The following BNC2 variants were observed in gnomAD, a reference collection of about 807,000 sequenced individuals.
The protein encoded by BNC2 is zinc finger protein basonuclin-2.
BNC2 carries 20 observed loss-of-function variants against 76.3 expected under a neutral mutation model. That is an observed-to-expected ratio of 0.26 (90% CI 0.18 to 0.38). The LOEUF is 0.38. Ranked by LOEUF, BNC2 falls within the 10% of genes least tolerant of loss-of-function variation. BNC2 has a pLI of 1.00. For synonymous variants in BNC2, 582 were observed against 514.8 expected (o/e 1.13, Z -1.77); for missense variants, 1,382 against 1,399.8 (o/e 0.99, Z 0.20).
At chr9:16,661,939 G>A (rs917840568) in intron 3 of BNC2, among the ~76,000 whole-genome samples, 1 of 152,176 alleles carries the variant, frequency 6.6e-6, no homozygotes, top group African/African-American at 2.4e-5. Flanking sequence ...ACAAGTGACA[G>A]AGCAGGTCTA....
At chr9:16,730,205 T>G (rs978619943) in intron 2 of BNC2, among the ~76,000 whole-genome samples, 2 of 152,154 alleles carry the variant, frequency 1.3e-5, no homozygotes, top group African/African-American at 4.8e-5. Flanking sequence ...AGACTTGAAA[T>G]TCCCCGTGGA....
At chr9:16,580,097 T>A (rs890373119) in intron 4 of BNC2, 2 of 398,410 alleles carry the variant, frequency 5.0e-6, no homozygotes, top group Non-Finnish European at 8.8e-6. Context: ...CCGGAAAGAA[T>A]GCTGTGTTTC....
intron 1 of BNC2, among the ~76,000 whole-genome samples, chr9:16,780,132 A>G (rs1255801358): frequency 1.4e-5 from 2 of 144,438 alleles, no homozygotes; most frequent in African/African-American, 2.5e-5. Context: ...GCTACTAGGG[A>G]GGCTGAGGTA....
At chr9:16,428,611 T>C (rs538645867) in intron 6 of BNC2, among the ~76,000 whole-genome samples, 2 of 152,326 alleles carry the variant, frequency 1.3e-5, no homozygotes, top group East Asian at 1.9e-4. Context: ...CAGATTGATA[T>C]ATGCAATAGC....
At chr9:16,810,331 C>T (rs1270299044) in intron 1 of BNC2, among the ~76,000 whole-genome samples, 1 of 152,206 alleles carries the variant, frequency 6.6e-6, no homozygotes, top group Non-Finnish European at 1.5e-5. Context: ...ACAAGACAGG[C>T]ATTCACTCTG....
At chr9:16,845,512 G>A (rs7864936) in intron 1 of BNC2, among the ~76,000 whole-genome samples, 84,733 of 151,510 alleles carry the variant, frequency 0.56, 24,502 homozygotes, top group Non-Finnish European at 0.63. Context: ...ACAAGGTCAG[G>A]AGATCGAGAC....
intron 6 of BNC2, among the ~76,000 whole-genome samples, chr9:16,420,038 TTC>T (rs1287243425): frequency 6.6e-6 from 1 of 152,138 alleles, no homozygotes; most frequent in East Asian, 1.9e-4. Flanking sequence ...AATAGAAACT[TTC>T]TGCTTGTCTA....
intron 1 of BNC2, among the ~76,000 whole-genome samples, chr9:16,845,419 G>A (rs1186895733): frequency 6.6e-6 from 1 of 152,054 alleles, no homozygotes; most frequent in African/African-American, 2.4e-5. Context: ...ACGGTAGTTG[G>A]GTTTTCAAAA....
At chr9:16,841,846 G>A (rs1374443038) in intron 1 of BNC2, among the ~76,000 whole-genome samples, 4 of 354 alleles carry the variant, frequency 0.011, no homozygotes, top group Non-Finnish European at 0.04. Context: ...TTTCACTCTT[G>A]TTGCCCAGGC....
chr9:16,491,577 G>C (rs1822281723), intron 5 of BNC2, among the ~76,000 whole-genome samples: 1 of 152,152 alleles, frequency 6.6e-6, no homozygotes, highest in Admixed American at 6.5e-5. Flanking sequence ...AGAGAGCCTG[G>C]GAAATGGGAG....
At chr9:16,469,084 C>T (rs28718681) in intron 5 of BNC2, among the ~76,000 whole-genome samples, 7,436 of 152,166 alleles carry the variant, frequency 0.049, 266 homozygotes, top group Non-Finnish European at 0.076. Flanking sequence ...CCTGTGTGTG[C>T]TTTTTATATT....
chr9:16,454,450 G>A (rs902974955), intron 5 of BNC2, among the ~76,000 whole-genome samples: 2 of 152,204 alleles, frequency 1.3e-5, no homozygotes, highest in Admixed American at 1.3e-4. Flanking sequence ...ACAGGCATGT[G>A]CCACCACACC....
chr9:16,747,797 T>C (rs141439389), intron 1 of BNC2, among the ~76,000 whole-genome samples: 7 of 152,344 alleles, frequency 4.6e-5, no homozygotes, highest in African/African-American at 9.6e-5. Flanking sequence ...TTTAGGCTTC[T>C]AAGTGCTTAG....
chr9:16,792,338 T>A (rs1308752727), intron 1 of BNC2, among the ~76,000 whole-genome samples: 1 of 152,214 alleles, frequency 6.6e-6, no homozygotes, highest in African/African-American at 2.4e-5. Flanking sequence ...TCAGGAAGTG[T>A]AACTCCGTAA....
chr9:16,648,906 C>T (rs958291609), intron 3 of BNC2, among the ~76,000 whole-genome samples: 2 of 152,128 alleles, frequency 1.3e-5, no homozygotes, highest in Non-Finnish European at 2.9e-5. Flanking sequence ...ATGAGGTACT[C>T]AAACTATGAT....
intron 5 of BNC2, among the ~76,000 whole-genome samples, chr9:16,512,416 G>A (rs1822777530): frequency 6.6e-6 from 1 of 151,904 alleles, no homozygotes; most frequent in South Asian, 2.1e-4. Context: ...TGCCTCCGTG[G>A]CATAACCTGT....
At chr9:16,831,706 C>A (rs1040301839) in intron 1 of BNC2, among the ~76,000 whole-genome samples, 1 of 152,116 alleles carries the variant, frequency 6.6e-6, no homozygotes, top group Non-Finnish European at 1.5e-5. Flanking sequence ...TGGTTGAACT[C>A]GACACACTTC....
intron 3 of BNC2, among the ~76,000 whole-genome samples, chr9:16,714,890 A>G (rs747749758): frequency 5.3e-5 from 8 of 152,344 alleles, no homozygotes; most frequent in Non-Finnish European, 1.0e-4. Flanking sequence ...TCTTTTAAAG[A>G]GACCCTTCAA....
At chr9:16,850,809 T>TTA (rs1554751204) in intron 1 of BNC2, among the ~76,000 whole-genome samples, 3 of 148,508 alleles carry the variant, frequency 2.0e-5, no homozygotes, top group Non-Finnish European at 4.5e-5. Context: ...AAAAAGTAAA[T>TTA]AAAAAAAAAA....
Sources: allele counts gnomAD v4.1 joint callset (sites outside exome capture counted in the v4.1 genomes callset), GRCh38; gene constraint gnomAD v4.1.1; transcripts MANE v1.5; gene names NCBI Gene and HGNC (gene_info 2026-07-23, HGNC 2026-07-21).